Variants in ARHGAP42 observed in about 807,000 individuals in gnomAD.
ARHGAP42 encodes the protein Rho GTPase activating protein 42.
ARHGAP42 carries 63 observed loss-of-function variants against 125.0 expected under a neutral mutation model. That is an observed-to-expected ratio of 0.50 (90% CI 0.41 to 0.62). ARHGAP42 has a LOEUF of 0.62. ARHGAP42 is among the 20% of genes least tolerant of loss of function. ARHGAP42 has a pLI of 0.00. For synonymous variants in ARHGAP42, 339 were observed against 351.0 expected, an observed-to-expected ratio of 0.97 and a Z score of 0.38; for missense variants, 766 against 1,024.2, an observed-to-expected ratio of 0.75 and a Z score of 3.44.
At chr11:100,922,474 G>A (rs1054729641) in intron 6 of ARHGAP42, among the ~76,000 whole-genome samples, 4 of 152,162 alleles carry the variant, frequency 2.6e-5, no homozygotes, top group Non-Finnish European at 5.9e-5. Context: ...TTGCTCTAGA[G>A]TCAGGTGATC....
intron 4 of ARHGAP42, among the ~76,000 whole-genome samples, chr11:100,901,217 C>A (rs879901206): frequency 6.6e-6 from 1 of 152,182 alleles, no homozygotes; most frequent in Non-Finnish European, 1.5e-5. Context: ...GTATCACCAG[C>A]GGAGGCAGCA....
At chr11:100,823,374 C>G (rs914324147) in intron 3 of ARHGAP42, among the ~76,000 whole-genome samples, 35 of 152,272 alleles carry the variant, frequency 2.3e-4, no homozygotes, top group African/African-American at 8.4e-4. Context: ...TCACCTCTTG[C>G]TCCAGCACTG....
intron 3 of ARHGAP42, among the ~76,000 whole-genome samples, chr11:100,813,625 T>G (rs1278363070): frequency 6.6e-6 from 1 of 152,178 alleles, no homozygotes; most frequent in East Asian, 1.9e-4. Flanking sequence ...TGAGCTCCTT[T>G]GACTCTCCAG....
intron 3 of ARHGAP42, among the ~76,000 whole-genome samples, chr11:100,805,193 T>C (rs923682768): frequency 2.6e-5 from 4 of 152,204 alleles, no homozygotes; most frequent in African/African-American, 9.6e-5. Flanking sequence ...GGCACATAAC[T>C]AATACGTGGT....
intron 3 of ARHGAP42, among the ~76,000 whole-genome samples, chr11:100,850,822 G>C (rs1006738618): frequency 1.3e-5 from 2 of 150,260 alleles, no homozygotes; most frequent in Non-Finnish European, 3.0e-5. Context: ...TTCTACTCTA[G>C]CACTGGTGAC....
intron 3 of ARHGAP42, among the ~76,000 whole-genome samples, chr11:100,821,942 G>A (rs188220945): frequency 3.2e-4 from 49 of 152,244 alleles, no homozygotes; most frequent in African/African-American, 8.2e-4. Context: ...AGAATTGTAC[G>A]TTTCTTTCGA....
At chr11:100,742,141 C>G (rs1009284347) in intron 1 of ARHGAP42, among the ~76,000 whole-genome samples, 1 of 152,188 alleles carries the variant, frequency 6.6e-6, no homozygotes, top group Non-Finnish European at 1.5e-5. Context: ...TCATTCTGAT[C>G]CTATTGCTGA....
At chr11:100,878,945 TAG>T (rs1481239916) in intron 4 of ARHGAP42, among the ~76,000 whole-genome samples, 1 of 149,498 alleles carries the variant, frequency 6.7e-6, no homozygotes, top group African/African-American at 2.5e-5. Context: ...AAAACTCTTC[TAG>T]AGATTAGCTT....
In ARHGAP42 at chr11:100,771,226, A is replaced by G. The variant is rs574991369; in HGVS notation, c.250+788A>G. 5.3e-5 allele frequency among the ~76,000 whole-genome samples: 8 copies of G among 152,350 alleles called. No homozygotes were observed. In the South Asian group the frequency reaches 6.2e-4, roughly 12 times the overall value. On this transcript the variant is annotated intron_variant, in intron 2 of 23. Coordinates refer to ENST00000298815, the MANE Select transcript of ARHGAP42 (RefSeq NM_152432.4). ...CTGACGTTGCCTCAGTAATTTGGCAATGTGTCCCTGGGGAAACCATGCTCC... is the reference window on the plus strand; with the variant it reads ...CTGACGTTGCCTCAGTAATTTGGCAGTGTGTCCCTGGGGAAACCATGCTCC...
intron 4 of ARHGAP42, among the ~76,000 whole-genome samples, chr11:100,873,136 C>A (rs1865734941): frequency 6.6e-6 from 1 of 152,038 alleles, no homozygotes; most frequent in Non-Finnish European, 1.5e-5. Flanking sequence ...AAAATGGCAT[C>A]CCTGGCAAAA....
chr11:100,824,155 G>T (rs1489745041), intron 3 of ARHGAP42, among the ~76,000 whole-genome samples: 1 of 152,182 alleles, frequency 6.6e-6, no homozygotes, highest in Admixed American at 6.5e-5. Flanking sequence ...CCGGCAGCAT[G>T]TGGGTAGTAG....
chr11:100,745,515 T>C (rs998570540), intron 1 of ARHGAP42, among the ~76,000 whole-genome samples: 1 of 152,190 alleles, frequency 6.6e-6, no homozygotes, highest in African/African-American at 2.4e-5. Context: ...GAGGCTGTTA[T>C]TCTTTTCCAT....
At chr11:100,930,132 C>G (rs1007818172) in intron 6 of ARHGAP42, among the ~76,000 whole-genome samples, 1 of 152,144 alleles carries the variant, frequency 6.6e-6, no homozygotes, top group Admixed American at 6.6e-5. Flanking sequence ...GTTGTTATTA[C>G]GGTTACTGTT....
rs763623801 is a variant in ARHGAP42 at position 100,992,507 on chromosome 11, GAT to G, written c.*3708_*3709del. 1.9e-6 allele frequency: 3 copies of G among 1,614,052 alleles called. No homozygotes were observed. The highest frequency in any genetic ancestry group is 1.7e-6 in the Non-Finnish European group (2 of 1,179,948). On this transcript the variant is annotated 3_prime_UTR_variant, in exon 24 of 24. Coordinates refer to ENST00000298815, the MANE Select transcript of ARHGAP42 (RefSeq NM_152432.4). The stretch of plus-strand genomic sequence containing the variant: ...AATCAAGACACTTTTAAGAAACAAA[GAT>G]AGTTTTCTGAACATTCTGTGTCCTG...
chr11:100,764,010 CTT>C (rs1862771093), intron 1 of ARHGAP42, among the ~76,000 whole-genome samples: 1 of 142,866 alleles, frequency 7.0e-6, no homozygotes, highest in Non-Finnish European at 1.5e-5. Flanking sequence ...TCCCCCTCTT[CTT>C]CTTCTTCTTC....
chr11:100,909,497 C>T (rs988959032), intron 4 of ARHGAP42, among the ~76,000 whole-genome samples: 2 of 152,024 alleles, frequency 1.3e-5, no homozygotes, highest in Non-Finnish European at 2.9e-5. Context: ...ATGCCCGTCG[C>T]CATGCCCAGC....
At chr11:100,932,295 T>A (rs558043345) in intron 6 of ARHGAP42, among the ~76,000 whole-genome samples, 31 of 152,276 alleles carry the variant, frequency 2.0e-4, no homozygotes, top group Middle Eastern at 6.8e-3. Context: ...TACAGATACA[T>A]TATGAGTGAC....
At chr11:100,838,342 T>C (rs1282838289) in intron 3 of ARHGAP42, among the ~76,000 whole-genome samples, 1 of 152,148 alleles carries the variant, frequency 6.6e-6, no homozygotes, top group Non-Finnish European at 1.5e-5. Context: ...CCTTTGTGAG[T>C]AAAGACAATG....
At chr11:100,705,097 TTGTATCTTTGAGATTGTGCTTTGTACTTC>T (rs1352276009) in intron 1 of ARHGAP42, among the ~76,000 whole-genome samples, 2 of 152,062 alleles carry the variant, frequency 1.3e-5, no homozygotes, top group Non-Finnish European at 2.9e-5. Context: ...TGGCTTGGAT[TTGTATCTTTGAGATTGTGCTTTGTACTTC>T]TGTCAGGATA....
Sources: gnomAD v4.1 joint callset for allele counts (sites outside exome capture counted in the v4.1 genomes callset) on GRCh38, gnomAD v4.1.1 for gene constraint, MANE v1.5 for transcripts, NCBI Gene and HGNC (gene_info 2026-07-23, HGNC 2026-07-21) for gene names.